Variants in GPHN observed in about 807,000 individuals in gnomAD.
The protein encoded by GPHN is gephyrin.
GPHN carries 17 observed loss-of-function variants against 95.5 expected under a neutral mutation model. The observed-to-expected ratio is 0.18, with a 90% CI of 0.12 to 0.27. GPHN has a LOEUF of 0.27. GPHN is among the 10% of genes least tolerant of loss of function. GPHN has a pLI of 1.00. For synonymous variants in GPHN, 320 were observed against 322.5 expected (o/e 0.99, Z 0.08); for missense variants, 660 against 978.1 (o/e 0.67, Z 4.34).
chr14:67,366,501 T>C, the GPHN span, among the ~76,000 whole-genome samples: 1 of 152,246 alleles, frequency 6.6e-6, no homozygotes, highest in Non-Finnish European at 1.5e-5. Context: ...TTCCATAGCA[T>C]TTGTTTGTAT....
intron 1 of GPHN, among the ~76,000 whole-genome samples, chr14:66,545,468 G>A (rs2059530737): frequency 7.2e-6 from 1 of 138,578 alleles, no homozygotes; most frequent in Non-Finnish European, 1.5e-5. Context: ...CTGGGCAGAG[G>A]CGCCCCTCAC....
the GPHN span, chr14:67,348,830 T>C: frequency 5.8e-6 from 3 of 514,752 alleles, no homozygotes; most frequent in Non-Finnish European, 1.0e-5. Context: ...GGAACCTGCC[T>C]TCTTAAGTGT....
At chr14:67,527,377 G>T in the GPHN span, among the ~76,000 whole-genome samples, 1 of 152,152 alleles carries the variant, frequency 6.6e-6, no homozygotes, top group South Asian at 2.1e-4. Context: ...GCCGGAGGTT[G>T]CAGTGAGCCG....
the GPHN span, chr14:67,382,784 T>A: frequency 1.7e-6 from 1 of 587,622 alleles, no homozygotes; most frequent in Non-Finnish European, 2.9e-6. Context: ...AATGAGAAGT[T>A]TTTTTATGGT....
At chr14:66,903,826 G>T (rs149669385) in intron 5 of GPHN, among the ~76,000 whole-genome samples, 1 of 151,722 alleles carries the variant, frequency 6.6e-6, no homozygotes, top group African/African-American at 2.4e-5. Flanking sequence ...TTGCATTGTG[G>T]TTACCATGAC....
chr14:67,193,004 A>G, the GPHN span, among the ~76,000 whole-genome samples: 4 of 146,318 alleles, frequency 2.7e-5, no homozygotes, highest in Non-Finnish European at 4.5e-5. Flanking sequence ...ATCTCTATAT[A>G]TCAATATCTA....
At chr14:67,312,575 G>C in the GPHN span, 1 of 1,613,038 alleles carries the variant, frequency 6.2e-7, no homozygotes, top group Non-Finnish European at 8.5e-7. Flanking sequence ...TGACCCTTAT[G>C]TTCCATGTCG....
intron 17 of GPHN, among the ~76,000 whole-genome samples, chr14:67,122,833 T>C (rs117950192): frequency 6.6e-6 from 1 of 152,224 alleles, no homozygotes; most frequent in African/African-American, 2.4e-5. Context: ...ATGTAACCTG[T>C]TTCTCCAGGC....
Position 66,508,304 on chromosome 14 carries a change from C to T in GPHN, c.-224C>T. On this transcript the variant is annotated 5_prime_UTR_variant, in exon 1 of 23. Transcript: ENST00000478722. ...CCTTCTTGCCGGACTTGGGGCCGCG[C>T]GCCCTGACTCCTTCCCCTCCCGCGG... 5.1e-6 allele frequency: 3 copies of T among 592,006 alleles called. No homozygotes were observed. The highest frequency in any genetic ancestry group is 9.0e-6 in the Non-Finnish European group (3 of 332,596). 36.7% of individuals were successfully genotyped at this position (592,006 alleles called of 1,614,324 possible).
the GPHN span, chr14:67,674,245 G>T: frequency 8.5e-6 from 7 of 820,660 alleles, no homozygotes; most frequent in South Asian, 9.6e-5. Context: ...GGACAAGCCA[G>T]CCCTAGGGGG....
the GPHN span, among the ~76,000 whole-genome samples, chr14:67,278,038 C>A: frequency 7.2e-6 from 1 of 138,796 alleles, no homozygotes; most frequent in Non-Finnish European, 1.6e-5. Context: ...AACCCCAATT[C>A]TTTTTTTTTT....
At chr14:67,100,716 C>G in intron 12 of GPHN, 140 bp from the exon 13 acceptor site, 1 of 693,928 alleles carries the variant, frequency 1.4e-6, no homozygotes, top group South Asian at 1.5e-5. Flanking sequence ...ATTGTCAAGT[C>G]TAGGAGATCA....
the GPHN span, among the ~76,000 whole-genome samples, chr14:67,516,671 C>T: frequency 6.6e-6 from 1 of 152,222 alleles, no homozygotes. Flanking sequence ...AACCTCCTGT[C>T]CCTGGCCAGA....
At position 66,965,172 on chromosome 14, in the gene GPHN, A is replaced by G; in HGVS notation, c.829-19A>G. On this transcript the variant is annotated intron_variant, in intron 8 of 22. Coordinates refer to ENST00000478722, the MANE Select transcript of GPHN (RefSeq NM_020806.5). ...TGACATTTTCAGAATATTAAACCAT[A>G]GTTGTTCCCCTTGTTCAGATTCCAG... 6.2e-7 allele frequency: 1 copy of G among 1,605,660 alleles called. No individual in the cohort carries two copies. Among genetic ancestry groups the G allele is most frequent in the Non-Finnish European group, 8.5e-7 (1 of 1,172,474 alleles).
intron 1 of GPHN, among the ~76,000 whole-genome samples, chr14:66,552,391 T>C (rs2059845573): frequency 6.6e-6 from 1 of 152,222 alleles, no homozygotes; most frequent in Admixed American, 6.5e-5. Context: ...TTTAAACTTT[T>C]ATATACGTTA....
chr14:66,797,374 C>T (rs1046080234), intron 3 of GPHN, among the ~76,000 whole-genome samples: 1 of 151,670 alleles, frequency 6.6e-6, no homozygotes, highest in Non-Finnish European at 1.5e-5. Flanking sequence ...TATAGAGTAA[C>T]ATTAGTATTT....
chr14:66,693,422 T>C (rs1269127386), intron 2 of GPHN, among the ~76,000 whole-genome samples: 1 of 152,176 alleles, frequency 6.6e-6, no homozygotes, highest in African/African-American at 2.4e-5. Flanking sequence ...AATGATTGAT[T>C]GATTGATAGA....
At chr14:66,627,874 A>C (rs2063582418) in intron 1 of GPHN, among the ~76,000 whole-genome samples, 1 of 152,096 alleles carries the variant, frequency 6.6e-6, no homozygotes, top group African/African-American at 2.4e-5. Context: ...TTTTCCCATT[A>C]GTTCATAGTT....
At chr14:67,049,000 T>A (rs916597658) in intron 10 of GPHN, among the ~76,000 whole-genome samples, 6 of 152,218 alleles carry the variant, frequency 3.9e-5, no homozygotes, top group African/African-American at 9.6e-5. Context: ...TTACCTTTTT[T>A]AAAATGTTTC....
Sources: gnomAD v4.1 joint callset for allele counts (sites outside exome capture counted in the v4.1 genomes callset) on GRCh38, gnomAD v4.1.1 for gene constraint, MANE v1.5 for transcripts, NCBI Gene and HGNC (gene_info 2026-07-23, HGNC 2026-07-21) for gene names.